The following CEP83 variants were observed in gnomAD, a reference collection of about 807,000 sequenced individuals.
CEP83 encodes centrosomal protein of 83 kDa.
In CEP83, 70 loss-of-function variants were observed where a neutral mutation model predicts 101.9. The ratio of observed to expected loss-of-function variants is 0.69; its 90% CI spans 0.57 to 0.84. The LOEUF is 0.84. CEP83 is among the 40% of genes least tolerant of loss of function. CEP83 has a pLI of 0.00. For synonymous variants in CEP83, 264 were observed against 267.9 expected, an observed-to-expected ratio of 0.99 and a Z score of 0.14; for missense variants, 715 against 787.2, an observed-to-expected ratio of 0.91 and a Z score of 1.10.
chr12:94,400,480 T>C (rs890849415), intron 6 of CEP83, among the ~76,000 whole-genome samples: 13 of 152,214 alleles, frequency 8.5e-5, no homozygotes, highest in African/African-American at 3.1e-4. Flanking sequence ...CTTTCCCATA[T>C]GTGGTTTGGT....
rs1457837932 is a variant in CEP83, at chr12:94,393,682, T to C, written c.549+7168A>G. Among the ~76,000 whole-genome samples, 5 of 152,320 alleles carry C rather than the reference T, an allele frequency of 3.3e-5. No individual in the cohort carries two copies. In the East Asian group the frequency reaches 9.6e-4, roughly 29 times the overall value. On this transcript the variant is annotated intron_variant, in intron 6 of 16. Transcript: ENST00000397809. ...TCAATTAGGAAATGAGGAAGTCAAA[T>C]TGTCCCTGTTTGCAGATGATATGAT... is the stretch of plus-strand genomic sequence containing the variant.
intron 14 of CEP83, among the ~76,000 whole-genome samples, chr12:94,328,981 C>G (rs1177151616): frequency 6.6e-6 from 1 of 152,126 alleles, no homozygotes; most frequent in Non-Finnish European, 1.5e-5. Flanking sequence ...AATTGTATTT[C>G]TAAGTTACAC....
rs184067805 is a variant in CEP83 at position 94,381,413 on chromosome 12, T to C, written c.550-2371A>G. On this transcript the variant is annotated intron_variant, in intron 6 of 16. Transcript: ENST00000397809. Reference sequence around the variant, plus strand: ...TATTCTATTCTAAATACAAACTTACTTGACAGATAAGACAATGTGTTAACT... The same window carrying C: ...TATTCTATTCTAAATACAAACTTACCTGACAGATAAGACAATGTGTTAACT... 3.8e-3 allele frequency among the ~76,000 whole-genome samples: 584 copies of C among 152,290 alleles called. 1 individual carries two copies. The highest frequency in any genetic ancestry group is 0.01 in the South Asian group (50 of 4,828).
chr12:94,404,868 C>A (rs972132669), intron 4 of CEP83, among the ~76,000 whole-genome samples: 1 of 152,136 alleles, frequency 6.6e-6, no homozygotes, highest in African/African-American at 2.4e-5. Context: ...GCATGTATAT[C>A]ACTTTTGATT....
intron 9 of CEP83, chr12:94,369,247 G>GATCTCAGGA (rs1258204516): frequency 1.3e-5 from 2 of 152,422 alleles, no homozygotes; most frequent in East Asian, 3.8e-4. Flanking sequence ...GAGGTCAGGA[G>GATCTCAGGA]ATCAAGACCA....
intron 2 of CEP83, chr12:94,423,600 C>T (rs1462922307): frequency 6.5e-7 from 1 of 1,540,638 alleles, no homozygotes; most frequent in African/African-American, 1.4e-5. Flanking sequence ...AGGCCCAGGC[C>T]TGTGAAAAAC....
downstream of CEP83, chr12:94,303,702 T>TC (rs2136236608): frequency 8.6e-7 from 1 of 1,160,204 alleles, no homozygotes; most frequent in East Asian, 3.1e-5. Flanking sequence ...TCTTTTTTTT[T>TC]TTTTTTTTTT....
chr12:94,328,801 T>G lies in CEP83; in HGVS notation c.1707+2899A>C, dbSNP rs189659993. Among the ~76,000 whole-genome samples the G allele has an allele frequency of 9.2e-4, 140 of 152,294 alleles. 2 individuals carry two copies. Among genetic ancestry groups the G allele is most frequent in the Non-Finnish European group, 7.4e-5 (5 of 68,022 alleles). ...AGGAAATTAAAGCCTAACAGCGCAG[T>G]GGAAAGAGCACCAGACTGAGAACAG... On this transcript the variant is annotated intron_variant, in intron 14 of 16. Coordinates refer to ENST00000397809, the MANE Select transcript of CEP83 (RefSeq NM_016122.3).
At chr12:94,358,162 C>T (rs1477560904) in intron 11 of CEP83, among the ~76,000 whole-genome samples, 2 of 152,140 alleles carry the variant, frequency 1.3e-5, no homozygotes, top group Admixed American at 1.3e-4. Context: ...TTATATTTTG[C>T]ATTGTGAGGG....
chr12:94,275,852 C>G, the CEP83 span, among the ~76,000 whole-genome samples: 1 of 99,628 alleles, frequency 1.0e-5, no homozygotes, highest in Non-Finnish European at 2.0e-5. Context: ...GAGACTCCGT[C>G]TCAAAAAAAA....
the CEP83 span, among the ~76,000 whole-genome samples, chr12:94,295,459 CT>C: frequency 3.3e-5 from 5 of 152,094 alleles, no homozygotes; most frequent in Non-Finnish European, 7.4e-5. Flanking sequence ...AAGATTGGGC[CT>C]TTTGAAGAGC....
intron 1 of CEP83, among the ~76,000 whole-genome samples, chr12:94,452,000 C>T (rs1384115603): frequency 2.0e-5 from 3 of 152,068 alleles, no homozygotes; most frequent in South Asian, 2.1e-4. Flanking sequence ...AAAATACACA[C>T]GAATACTATG....
intron 6 of CEP83, among the ~76,000 whole-genome samples, chr12:94,399,014 A>G (rs1033838917): frequency 2.6e-5 from 4 of 152,238 alleles, no homozygotes; most frequent in African/African-American, 4.8e-5. Context: ...GATGTTTATC[A>G]AGACAATACA....
chr12:94,366,223 G>A (rs2061020867), intron 11 of CEP83, among the ~76,000 whole-genome samples: 1 of 151,822 alleles, frequency 6.6e-6, no homozygotes, highest in Non-Finnish European at 1.5e-5. Flanking sequence ...AAATAAACAA[G>A]GATGAGGTAT....
At chr12:94,277,461 C>A in the CEP83 span, among the ~76,000 whole-genome samples, 1 of 152,340 alleles carries the variant, frequency 6.6e-6, no homozygotes, top group East Asian at 1.9e-4. Flanking sequence ...CCATAAGTCA[C>A]GGGCTCACAT....
chr12:94,438,329 T>C (rs2066149471), intron 1 of CEP83, among the ~76,000 whole-genome samples: 1 of 151,788 alleles, frequency 6.6e-6, no homozygotes, highest in South Asian at 2.1e-4. Context: ...CATATAAACT[T>C]ATAAGGTAAA....
chr12:94,274,489 G>C, the CEP83 span, among the ~76,000 whole-genome samples: 2 of 152,338 alleles, frequency 1.3e-5, no homozygotes, highest in South Asian at 4.1e-4. Context: ...GTTAGCAGAG[G>C]AGGGATGGCT....
chr12:94,395,651 G>A (rs181602923), intron 6 of CEP83, among the ~76,000 whole-genome samples: 28 of 152,062 alleles, frequency 1.8e-4, no homozygotes, highest in East Asian at 1.7e-3. Flanking sequence ...GTGAAACCCC[G>A]TCTCTACTAA....
intron 11 of CEP83, among the ~76,000 whole-genome samples, chr12:94,365,839 T>C (rs2060998749): frequency 1.3e-5 from 2 of 150,510 alleles, no homozygotes; most frequent in South Asian, 4.2e-4. Flanking sequence ...CACTAAACAC[T>C]GATAGATACA....
Sources: gnomAD v4.1 joint callset for allele counts (sites outside exome capture counted in the v4.1 genomes callset) on GRCh38, gnomAD v4.1.1 for gene constraint, MANE v1.5 for transcripts, NCBI Gene and HGNC (gene_info 2026-07-23, HGNC 2026-07-21) for gene names.